The following NRG1 variants were observed in gnomAD, a reference collection of about 807,000 sequenced individuals.
NRG1 encodes the protein pro-neuregulin-1, membrane-bound isoform.
NRG1 carries 18 observed loss-of-function variants against 63.8 expected under a neutral mutation model. The ratio of observed to expected loss-of-function variants is 0.28; its 90% CI spans 0.19 to 0.42. NRG1 has a LOEUF of 0.42. Ranked by LOEUF, NRG1 falls within the 10% of genes least tolerant of loss-of-function variation. The pLI, the probability that NRG1 is intolerant of heterozygous loss-of-function variation, is 1.00. For missense variants in NRG1, 762 were observed against 814.7 expected (o/e 0.94, Z 0.79); for synonymous variants, 302 against 301.3 (o/e 1.00, Z -0.02).
chr8:31,670,266 C>A (rs1463664039), intron 1 of NRG1, among the ~76,000 whole-genome samples: 1 of 152,148 alleles, frequency 6.6e-6, no homozygotes, highest in East Asian at 1.9e-4. Flanking sequence ...ACGGGGGTCA[C>A]CACTGCTGTG....
chr8:31,931,877 T>A (rs1834893583), intron 1 of NRG1, among the ~76,000 whole-genome samples: 1 of 152,148 alleles, frequency 6.6e-6, no homozygotes, highest in African/African-American at 2.4e-5. Flanking sequence ...TCGCTCTCAG[T>A]GACTCTGTAC....
chr8:32,195,900 T>G (rs1352599774), intron 1 of NRG1, among the ~76,000 whole-genome samples: 1 of 152,184 alleles, frequency 6.6e-6, no homozygotes, highest in Non-Finnish European at 1.5e-5. Context: ...GATCCTGGAA[T>G]GACTCAGTGA....
chr8:32,504,821 A>AT (rs1228577474), intron 1 of NRG1, among the ~76,000 whole-genome samples: 2 of 152,096 alleles, frequency 1.3e-5, no homozygotes, highest in Non-Finnish European at 2.9e-5. Flanking sequence ...GACTTAAAAA[A>AT]TTTTTTTCTT....
At chr8:32,250,892 T>A (rs1256453205) in intron 1 of NRG1, among the ~76,000 whole-genome samples, 1 of 152,096 alleles carries the variant, frequency 6.6e-6, no homozygotes, top group East Asian at 1.9e-4. Context: ...ACATGTATAC[T>A]TATTTATAAT....
At chr8:31,886,375 TCA>T (rs1226857800) in intron 1 of NRG1, among the ~76,000 whole-genome samples, 2 of 152,282 alleles carry the variant, frequency 1.3e-5, no homozygotes, top group East Asian at 3.9e-4. Flanking sequence ...TTTGCCAATT[TCA>T]CACAGTTACT....
intron 5 of NRG1, among the ~76,000 whole-genome samples, chr8:32,691,147 G>A (rs972513745): frequency 3.9e-5 from 6 of 152,048 alleles, no homozygotes; most frequent in African/African-American, 7.2e-5. Flanking sequence ...AGATCATGAG[G>A]TCAGGAGTTC....
intron 1 of NRG1, among the ~76,000 whole-genome samples, chr8:32,584,432 A>C (rs1163053449): frequency 6.6e-6 from 1 of 152,162 alleles, no homozygotes; most frequent in Non-Finnish European, 1.5e-5. Context: ...AGAAAGTCAA[A>C]TGTGGACCCT....
intron 1 of NRG1, among the ~76,000 whole-genome samples, chr8:32,145,485 C>T (rs773154658): frequency 3.9e-5 from 6 of 152,168 alleles, no homozygotes; most frequent in Non-Finnish European, 7.3e-5. Flanking sequence ...AACATATGCC[C>T]TTTTCTGTGA....
intron 1 of NRG1, among the ~76,000 whole-genome samples, chr8:32,009,594 G>C (rs759052261): frequency 1.3e-5 from 2 of 151,882 alleles, no homozygotes; most frequent in Non-Finnish European, 1.5e-5. Flanking sequence ...ATGTTAAAAA[G>C]TTCTAATGGT....
chr8:31,812,648 C>A (rs1187631711), intron 1 of NRG1, among the ~76,000 whole-genome samples: 4 of 151,216 alleles, frequency 2.6e-5, no homozygotes, highest in Non-Finnish European at 5.9e-5. Flanking sequence ...CATCCCCTCC[C>A]ATCTCTTCCC....
intron 1 of NRG1, among the ~76,000 whole-genome samples, chr8:31,751,047 T>C (rs536606169): frequency 4.3e-4 from 65 of 152,052 alleles, no homozygotes; most frequent in African/African-American, 1.4e-3. Flanking sequence ...AAAGGGTCAT[T>C]CTGTTTTTAT....
At chr8:32,409,685 ACGT>A (rs1015582488) in intron 1 of NRG1, among the ~76,000 whole-genome samples, 1 of 152,202 alleles carries the variant, frequency 6.6e-6, no homozygotes, top group Non-Finnish European at 1.5e-5. Flanking sequence ...GGTACAGTTA[ACGT>A]CATACTTTAC....
At chr8:32,166,352 C>G (rs1233545035) in intron 1 of NRG1, among the ~76,000 whole-genome samples, 1 of 152,130 alleles carries the variant, frequency 6.6e-6, no homozygotes, top group Non-Finnish European at 1.5e-5. Flanking sequence ...ATTTACATAT[C>G]TCCAGCTTGT....
intron 1 of NRG1, among the ~76,000 whole-genome samples, chr8:32,439,159 A>G (rs1039998181): frequency 5.3e-5 from 8 of 152,224 alleles, no homozygotes; most frequent in Admixed American, 2.6e-4. Context: ...CTAATGTCAT[A>G]TAAGTTTAAA....
intron 1 of NRG1, among the ~76,000 whole-genome samples, chr8:31,759,874 C>T (rs893513702): frequency 6.6e-6 from 1 of 152,102 alleles, no homozygotes; most frequent in Non-Finnish European, 1.5e-5. Context: ...TAGATCATCA[C>T]TAATTTATCT....
intron 5 of NRG1, among the ~76,000 whole-genome samples, chr8:32,691,777 AT>A (rs1184400622): frequency 7.9e-5 from 12 of 152,102 alleles, no homozygotes; most frequent in African/African-American, 2.7e-4. Context: ...AAATTTGTAT[AT>A]TTTTTTCCTG....
At chr8:32,250,130 CCT>C (rs1848952008) in intron 1 of NRG1, among the ~76,000 whole-genome samples, 1 of 152,050 alleles carries the variant, frequency 6.6e-6, no homozygotes, top group Non-Finnish European at 1.5e-5. Context: ...TGCCTTTCAT[CCT>C]CTCTGTCTGA....
intron 5 of NRG1, among the ~76,000 whole-genome samples, chr8:32,662,171 C>G (rs187797037): frequency 6.6e-6 from 1 of 152,120 alleles, no homozygotes; most frequent in East Asian, 1.9e-4. Context: ...TTCAAAAATA[C>G]CCTTAAGAAA....
At chr8:32,260,381 T>G (rs1326110397) in intron 1 of NRG1, among the ~76,000 whole-genome samples, 3 of 152,160 alleles carry the variant, frequency 2.0e-5, no homozygotes, top group Non-Finnish European at 2.9e-5. Context: ...AACATGCAAC[T>G]TTAGAGCAAG....
Sources: allele counts gnomAD v4.1 joint callset (sites outside exome capture counted in the v4.1 genomes callset), GRCh38; gene constraint gnomAD v4.1.1; transcripts MANE v1.5; gene names NCBI Gene and HGNC (gene_info 2026-07-23, HGNC 2026-07-21).